Variants in DCDC1 observed in about 807,000 individuals in gnomAD.
DCDC1 encodes the protein doublecortin domain containing 1.
A neutral mutation model predicts 178.3 loss-of-function variants in DCDC1; 200 were observed. The observed-to-expected ratio is 1.12, with a 90% CI of 1.00 to 1.26. The LOEUF (loss-of-function observed/expected upper bound fraction) is 1.26. Ranked by LOEUF, DCDC1 falls within the 50% of genes most tolerant of loss-of-function variation. The pLI, the probability that DCDC1 is intolerant of heterozygous loss-of-function variation, is 0.00. For missense variants in DCDC1, 1,983 were observed against 1,749.2 expected, an observed-to-expected ratio of 1.13 and a Z score of -2.38; for synonymous variants, 690 against 604.8, an observed-to-expected ratio of 1.14 and a Z score of -2.07.
intron 36 of DCDC1, among the ~76,000 whole-genome samples, chr11:30,888,247 A>G (rs1297158859): frequency 6.6e-6 from 1 of 152,218 alleles, no homozygotes; most frequent in Admixed American, 6.5e-5. Flanking sequence ...AGGCCTACCT[A>G]CGCATCTTGT....
chr11:30,923,590 C>T (rs1440148114), intron 23 of DCDC1, among the ~76,000 whole-genome samples: 1 of 149,380 alleles, frequency 6.7e-6, no homozygotes, highest in African/African-American at 2.5e-5. Flanking sequence ...GTATGAAGAC[C>T]CAGGGGAAAC....
At position 30,886,503 on chromosome 11, in the gene DCDC1, C is replaced by T. The variant is rs556260686; in HGVS notation, c.5083-5195G>A. Among the ~76,000 whole-genome samples, 361 of 152,224 alleles carry T rather than the reference C, an allele frequency of 2.4e-3. 2 individuals carry two copies. Among genetic ancestry groups the T allele is most frequent in the African/African-American group, 8.4e-3 (347 of 41,540 alleles). ...ATCAAGGTGCCAGCAGATTCAGTTT[C>T]TGGTGAGGAATCATTTTCTAACTTG... On this transcript the variant is annotated intron_variant, in intron 36 of 38. Transcript: ENST00000684477.
At chr11:31,247,091 C>G (rs1943617943) in intron 8 of DCDC1, among the ~76,000 whole-genome samples, 1 of 152,056 alleles carries the variant, frequency 6.6e-6, no homozygotes, top group South Asian at 2.1e-4. Context: ...AATAGTGATG[C>G]ATTGCAGGAA....
chr11:31,031,776 C>T (rs1953668373), intron 20 of DCDC1, among the ~76,000 whole-genome samples: 1 of 151,890 alleles, frequency 6.6e-6, no homozygotes. Flanking sequence ...AAGCATTGAA[C>T]CTCAATCTAT....
At chr11:30,889,665 G>T (rs368998878) in intron 36 of DCDC1, among the ~76,000 whole-genome samples, 2 of 152,128 alleles carry the variant, frequency 1.3e-5, no homozygotes, top group Non-Finnish European at 2.9e-5. Context: ...ATGCAAGCCC[G>T]TAAAGACAAA....
chr11:31,177,737 T>A (rs1379042703), intron 9 of DCDC1, among the ~76,000 whole-genome samples: 1 of 151,960 alleles, frequency 6.6e-6, no homozygotes, highest in Non-Finnish European at 1.5e-5. Flanking sequence ...TTATACCAGA[T>A]AAGATAGATT....
intron 20 of DCDC1, among the ~76,000 whole-genome samples, chr11:30,969,362 A>C (rs1018815274): frequency 6.6e-6 from 1 of 152,208 alleles, no homozygotes; most frequent in Non-Finnish European, 1.5e-5. Flanking sequence ...CAAAGATTAA[A>C]GTGATGAGGC....
intron 34 of DCDC1, among the ~76,000 whole-genome samples, chr11:30,895,980 A>C (rs1198380827): frequency 1.3e-5 from 2 of 152,170 alleles, no homozygotes; most frequent in Non-Finnish European, 2.9e-5. Context: ...TACTGCTGAG[A>C]GCTAGGGATT....
At position 31,084,947 on chromosome 11, in the gene DCDC1, G is replaced by C. The variant is rs112067929; in HGVS notation, c.2237+6446C>G. On this transcript the variant is annotated intron_variant, in intron 17 of 38. Transcript: ENST00000684477. ...ATGGGCTAAGACCAGATCAGCTGATGAGATGTTGCAGTACTTTCAGTATCC... is the reference window on the plus strand; with the variant it reads ...ATGGGCTAAGACCAGATCAGCTGATCAGATGTTGCAGTACTTTCAGTATCC... Among the ~76,000 whole-genome samples the C allele has an allele frequency of 4.3e-3, 647 of 150,772 alleles. 3 individuals are homozygous for C. Among genetic ancestry groups the C allele is most frequent in the African/African-American group, 0.015 (620 of 41,158 alleles).
intron 27 of DCDC1, among the ~76,000 whole-genome samples, chr11:30,914,473 C>T (rs187639566): frequency 2.6e-5 from 4 of 152,210 alleles, no homozygotes; most frequent in South Asian, 4.1e-4. Flanking sequence ...ATAAATTGCA[C>T]GATGCACAAA....
intron 38 of DCDC1, among the ~76,000 whole-genome samples, chr11:30,873,051 A>G (rs1941733658): frequency 6.7e-6 from 1 of 150,262 alleles, no homozygotes; most frequent in South Asian, 2.1e-4. Flanking sequence ...TATACCATGT[A>G]TATACAAGCT....
At chr11:30,961,138 T>C (rs1055663393) in intron 20 of DCDC1, among the ~76,000 whole-genome samples, 1 of 152,134 alleles carries the variant, frequency 6.6e-6, no homozygotes, top group Non-Finnish European at 1.5e-5. Flanking sequence ...AAAAATACTT[T>C]AGATAATTTT....
intron 20 of DCDC1, among the ~76,000 whole-genome samples, chr11:31,022,181 G>A (rs1160308614): frequency 2.0e-5 from 3 of 152,170 alleles, no homozygotes; most frequent in Admixed American, 6.5e-5. Context: ...AAATCAACGT[G>A]CCAGCAAGAC....
chr11:31,352,328 G>C (rs1006293166), intron 1 of DCDC1, among the ~76,000 whole-genome samples: 3 of 152,020 alleles, frequency 2.0e-5, no homozygotes, highest in African/African-American at 7.2e-5. Context: ...TTTTATTAAA[G>C]AGAAATCGTT....
chr11:31,366,174 A>G (rs1175446382), intron 1 of DCDC1, among the ~76,000 whole-genome samples: 1 of 152,162 alleles, frequency 6.6e-6, no homozygotes, highest in Non-Finnish European at 1.5e-5. Context: ...GTAAGAGGAA[A>G]AGCCTGGACT....
intron 9 of DCDC1, among the ~76,000 whole-genome samples, chr11:31,148,221 A>C (rs1591217296): frequency 6.8e-6 from 1 of 147,908 alleles, no homozygotes; most frequent in East Asian, 1.9e-4. Flanking sequence ...AAAAAAAAAA[A>C]AAAAAAAAAA....
intron 9 of DCDC1, among the ~76,000 whole-genome samples, chr11:31,233,246 CTTTT>C (rs1379814871): frequency 6.6e-6 from 1 of 152,092 alleles, no homozygotes; most frequent in Non-Finnish European, 1.5e-5. Context: ...GCTAGTCTTT[CTTTT>C]AAGTTCCCAT....
chr11:31,310,308 A>ATTTTTT lies in DCDC1; in HGVS notation c.165-2406_165-2401dup, dbSNP rs11407483. ...GAGGACAGGTTTTCAGTAATTCTTG[A>ATTTTTT]TTTTTTTTTTTTTTTTTTTTTTTTT... On this transcript the variant is annotated intron_variant, in intron 3 of 38. Coordinates refer to ENST00000684477, the MANE Select transcript of DCDC1 (RefSeq NM_001387274.1). Among the ~76,000 whole-genome samples, 383 of 53,864 alleles carry ATTTTTT rather than the reference A, an allele frequency of 7.1e-3. 57 individuals are homozygous for ATTTTTT. Among genetic ancestry groups the ATTTTTT allele is most frequent in the African/African-American group, 0.03 (355 of 11,712 alleles). 35.3% of individuals were successfully genotyped at this position (53,864 alleles called of 152,430 possible). A position where few individuals can be genotyped will look rare whatever the true frequency, so the allele number is the denominator to read the frequency against.
rs952908553 is a variant in DCDC1, at chr11:30,863,961, T to C, written c.*1412A>G. On this transcript the variant is annotated 3_prime_UTR_variant, in exon 39 of 39. Transcript: ENST00000684477. ...GACCAACAAGGTGAAACCCCATCTC[T>C]ACTAAAAATACAAAAGTTAGCTGGG... 2 of 152,188 alleles carry C rather than the reference T, an allele frequency of 1.3e-5. No individual in the cohort carries two copies. The highest frequency in any genetic ancestry group is 2.9e-5 in the Non-Finnish European group (2 of 68,062). 9.4% of individuals were successfully genotyped at this position (152,188 alleles called of 1,614,324 possible).
Sources: allele counts gnomAD v4.1 joint callset (sites outside exome capture counted in the v4.1 genomes callset), GRCh38; gene constraint gnomAD v4.1.1; transcripts MANE v1.5; gene names NCBI Gene and HGNC (gene_info 2026-07-23, HGNC 2026-07-21).